Variants in TAFA2 observed in about 807,000 individuals in gnomAD.
The protein encoded by TAFA2 is TAFA chemokine like family member 2.
A neutral mutation model predicts 18.8 loss-of-function variants in TAFA2; 7 were observed. That is an observed-to-expected ratio of 0.37 (90% CI 0.21 to 0.70). The LOEUF is 0.70. Ranked by LOEUF, TAFA2 falls within the 30% of genes least tolerant of loss-of-function variation. TAFA2 has a pLI of 0.53. For missense variants in TAFA2, 122 were observed against 158.1 expected (o/e 0.77, Z 1.23); for synonymous variants, 60 against 54.2 (o/e 1.11, Z -0.47).
chr12:62,209,392 T>C (rs1165201043), intron 1 of TAFA2, among the ~76,000 whole-genome samples: 1 of 152,242 alleles, frequency 6.6e-6, no homozygotes, highest in African/African-American at 2.4e-5. Context: ...CCTTCTGCCA[T>C]GATTGTAAGT....
intron 1 of TAFA2, among the ~76,000 whole-genome samples, chr12:61,905,017 C>T (rs911778884): frequency 5.9e-5 from 9 of 152,228 alleles, no homozygotes; most frequent in Admixed American, 1.3e-4. Context: ...CAGAGGAAAG[C>T]TTACCTTCAG....
At chr12:61,738,392 G>T (rs940290863) in intron 4 of TAFA2, among the ~76,000 whole-genome samples, 1 of 149,596 alleles carries the variant, frequency 6.7e-6, no homozygotes, top group Admixed American at 6.7e-5. Flanking sequence ...ATTTTTAAAC[G>T]TAAAAGATTT....
At chr12:62,238,005 T>A (rs1361528942) in intron 1 of TAFA2, among the ~76,000 whole-genome samples, 1 of 152,224 alleles carries the variant, frequency 6.6e-6, no homozygotes, top group Non-Finnish European at 1.5e-5. Flanking sequence ...GTCCTGCCTC[T>A]GTTCTTTGTT....
intron 1 of TAFA2, among the ~76,000 whole-genome samples, chr12:62,217,911 T>C (rs2062742566): frequency 6.6e-6 from 1 of 152,198 alleles, no homozygotes; most frequent in Non-Finnish European, 1.5e-5. Context: ...GAAAAAAGTT[T>C]TACTTCTGAA....
At chr12:61,987,690 T>G (rs913441343) in intron 1 of TAFA2, among the ~76,000 whole-genome samples, 3 of 152,180 alleles carry the variant, frequency 2.0e-5, no homozygotes, top group African/African-American at 7.2e-5. Context: ...CTTAAATTAT[T>G]CAGGCTGCTC....
At chr12:61,995,996 A>T (rs572246145) in intron 1 of TAFA2, among the ~76,000 whole-genome samples, 2 of 152,112 alleles carry the variant, frequency 1.3e-5, no homozygotes, top group South Asian at 2.1e-4. Context: ...CCACAAAAAG[A>T]CAATTGGCTA....
At chr12:61,905,795 A>T (rs1180852775) in intron 1 of TAFA2, among the ~76,000 whole-genome samples, 1 of 152,190 alleles carries the variant, frequency 6.6e-6, no homozygotes, top group Non-Finnish European at 1.5e-5. Context: ...AAAATTACTG[A>T]AAAGGCAAAT....
chr12:61,813,140 T>G (rs1390445003), intron 2 of TAFA2, among the ~76,000 whole-genome samples: 1 of 151,322 alleles, frequency 6.6e-6, no homozygotes, highest in Non-Finnish European at 1.5e-5. Flanking sequence ...GAAAATTAGA[T>G]TGTATTTATG....
rs144010764 is a variant in TAFA2 at position 62,224,082 on chromosome 12, T to TACACACACACAC, written c.-130+34669_-130+34680dup. On this transcript the variant is annotated intron_variant, in intron 1 of 5. Transcript: ENST00000551619. ...AAACAAAATGTGTTTTATATGTGCA[T>TACACACACACAC]ACACACACACACACACACACACACA... 6.9e-4 allele frequency among the ~76,000 whole-genome samples: 98 copies of TACACACACACAC among 142,568 alleles called. 1 individual carries two copies. Among genetic ancestry groups the TACACACACACAC allele is most frequent in the African/African-American group, 2.4e-3 (93 of 39,324 alleles). The allele number at this position is 142,568 out of a possible 152,430, so 93.5% of individuals were successfully genotyped here.
intron 1 of TAFA2, among the ~76,000 whole-genome samples, chr12:62,105,904 A>G (rs912735675): frequency 6.6e-6 from 1 of 152,240 alleles, no homozygotes; most frequent in East Asian, 1.9e-4. Context: ...GTCTGCTGCC[A>G]TTAGCAGATC....
chr12:62,182,905 T>C (rs2062561080), intron 1 of TAFA2, among the ~76,000 whole-genome samples: 1 of 152,176 alleles, frequency 6.6e-6, no homozygotes, highest in Non-Finnish European at 1.5e-5. Flanking sequence ...TACAGCACAA[T>C]ACATTGTTGA....
chr12:61,896,731 G>A (rs1055636654), intron 1 of TAFA2, among the ~76,000 whole-genome samples: 2 of 152,118 alleles, frequency 1.3e-5, no homozygotes, highest in Admixed American at 6.6e-5. Context: ...AAAGAAGAGG[G>A]CTCAGCAGGC....
At chr12:62,257,162 A>ATGTG (rs71450578) in intron 1 of TAFA2, among the ~76,000 whole-genome samples, 1,031 of 50,902 alleles carry the variant, frequency 0.02, 14 homozygotes, top group African/African-American at 0.05. Flanking sequence ...ATACATATAT[A>ATGTG]TGTGTGTGTG....
intron 4 of TAFA2, among the ~76,000 whole-genome samples, chr12:61,712,636 G>T (rs956047779): frequency 6.6e-5 from 10 of 151,942 alleles, no homozygotes; most frequent in Admixed American, 6.6e-4. Flanking sequence ...ACTAAAAGAA[G>T]TAATTGTCTA....
intron 1 of TAFA2, among the ~76,000 whole-genome samples, chr12:61,987,449 G>A (rs1438712377): frequency 6.6e-6 from 1 of 152,100 alleles, no homozygotes; most frequent in Non-Finnish European, 1.5e-5. Flanking sequence ...CTGGGTCTGG[G>A]TACCATTATT....
At chr12:61,740,320 A>G (rs1868388051) in intron 4 of TAFA2, among the ~76,000 whole-genome samples, 1 of 151,918 alleles carries the variant, frequency 6.6e-6, no homozygotes, top group Non-Finnish European at 1.5e-5. Context: ...AATATCACAC[A>G]CCGGAGCCTG....
At chr12:61,740,112 C>G (rs1037786268) in intron 4 of TAFA2, among the ~76,000 whole-genome samples, 2 of 152,240 alleles carry the variant, frequency 1.3e-5, no homozygotes, top group Admixed American at 6.5e-5. Context: ...TTCTCTGTCT[C>G]TCTACCATCC....
intron 1 of TAFA2, among the ~76,000 whole-genome samples, chr12:61,998,888 C>T (rs1486385335): frequency 6.6e-6 from 1 of 152,174 alleles, no homozygotes; most frequent in East Asian, 1.9e-4. Flanking sequence ...AACAGCTCAC[C>T]TAGAAGTATT....
At chr12:61,846,184 G>T (rs1186601299) in intron 2 of TAFA2, among the ~76,000 whole-genome samples, 6 of 152,182 alleles carry the variant, frequency 3.9e-5, no homozygotes, top group African/African-American at 1.4e-4. Context: ...CAATATCCTA[G>T]AGCATCTTCA....
Sources: gnomAD v4.1 joint callset for allele counts (sites outside exome capture counted in the v4.1 genomes callset) on GRCh38, gnomAD v4.1.1 for gene constraint, MANE v1.5 for transcripts, NCBI Gene and HGNC (gene_info 2026-07-23, HGNC 2026-07-21) for gene names.